Variants in PCDH15 observed in about 807,000 individuals in gnomAD.
PCDH15 encodes the protein protocadherin related 15.
A neutral mutation model predicts 178.5 loss-of-function variants in PCDH15; 129 were observed. The observed-to-expected ratio is 0.72, with a 90% CI of 0.63 to 0.84. The LOEUF (loss-of-function observed/expected upper bound fraction) is 0.84, where lower values mean the gene tolerates loss of function less well. Ranked by LOEUF, PCDH15 falls within the 40% of genes least tolerant of loss-of-function variation. PCDH15 has a pLI of 0.00. For synonymous variants in PCDH15, 800 were observed against 732.0 expected (o/e 1.09, Z -1.50); for missense variants, 2,230 against 2,099.9 (o/e 1.06, Z -1.21).
In PCDH15 at chr10:54,185,133, C is replaced by T. The variant is rs752585029; in HGVS notation, c.1440+1G>A. ...TGTATATTTACACAAAAGCTCTTTA[C>T]CGAAAAGGTGTAAGTTTGCTGTTCT... On this transcript the variant is annotated splice_donor_variant, in intron 12 of 37. Coordinates refer to ENST00000644397, the MANE Select transcript of PCDH15 (RefSeq NM_001384140.1). LOFTEE classifies it high-confidence loss of function. 6 of 1,613,046 alleles carry T rather than the reference C, an allele frequency of 3.7e-6. No individual in the cohort carries two copies. The highest frequency in any genetic ancestry group is 5.1e-6 in the Non-Finnish European group (6 of 1,179,328).
At chr10:53,897,331 T>C (rs1473469026) in intron 26 of PCDH15, among the ~76,000 whole-genome samples, 1 of 152,344 alleles carries the variant, frequency 6.6e-6, no homozygotes, top group South Asian at 2.1e-4. Context: ...ATAAATTGAC[T>C]AATATAAATC....
chr10:54,061,267 G>T (rs1236851230), intron 18 of PCDH15, among the ~76,000 whole-genome samples: 1 of 152,132 alleles, frequency 6.6e-6, no homozygotes, highest in East Asian at 1.9e-4. Context: ...CCACAGTCAA[G>T]ATATGCATAC....
intron 2 of PCDH15, among the ~76,000 whole-genome samples, chr10:54,987,339 T>C (rs970707212): frequency 1.3e-5 from 2 of 152,188 alleles, no homozygotes; most frequent in Non-Finnish European, 2.9e-5. Flanking sequence ...TGTCCATGTA[T>C]CTTTATGGTA....
Position 54,793,185 on chromosome 10 carries a change from C to T in PCDH15, c.-29+7740G>A, listed in dbSNP as rs980049349. 2.6e-5 allele frequency among the ~76,000 whole-genome samples: 4 copies of T among 152,002 alleles called. No homozygotes were observed. In the South Asian group the frequency reaches 8.3e-4, roughly 32 times the overall value. On this transcript the variant is annotated intron_variant, in intron 1 of 37. Coordinates refer to ENST00000644397, the MANE Select transcript of PCDH15 (RefSeq NM_001384140.1). The stretch of plus-strand genomic sequence containing the variant: ...ATTGAAACTGTGTTGCAAGTCTAGG[C>T]TAGTTAGCACTGCGCTTTATCCCCA...
intron 3 of PCDH15, among the ~76,000 whole-genome samples, chr10:54,517,693 T>G (rs574044371): frequency 3.8e-4 from 58 of 152,164 alleles, no homozygotes; most frequent in Admixed American, 1.2e-3. Flanking sequence ...ATTGAACTCA[T>G]CTCTGCACCA....
At chr10:54,770,513 T>C (rs1948973497) in intron 1 of PCDH15, among the ~76,000 whole-genome samples, 2 of 152,078 alleles carry the variant, frequency 1.3e-5, no homozygotes, top group Admixed American at 6.6e-5. Flanking sequence ...TGTTAAAGTG[T>C]TCATTTTAGT....
At chr10:53,989,038 C>T (rs1458779978) in intron 21 of PCDH15, among the ~76,000 whole-genome samples, 1 of 152,096 alleles carries the variant, frequency 6.6e-6, no homozygotes, top group Non-Finnish European at 1.5e-5. Context: ...ACAGAAACAG[C>T]TGGATTGGTT....
chr10:54,239,791 C>A (rs1004520454), intron 8 of PCDH15, among the ~76,000 whole-genome samples: 4 of 151,934 alleles, frequency 2.6e-5, no homozygotes, highest in African/African-American at 7.2e-5. Flanking sequence ...ACTTATTTTA[C>A]AATATTTATT....
intron 26 of PCDH15, among the ~76,000 whole-genome samples, chr10:53,878,238 A>G (rs2080395996): frequency 1.2e-5 from 1 of 86,050 alleles, no homozygotes; most frequent in Non-Finnish European, 2.5e-5. Context: ...ATATATATAT[A>G]TATATTCTAC....
chr10:54,149,950 C>A (rs909779750), intron 14 of PCDH15, among the ~76,000 whole-genome samples: 1 of 151,974 alleles, frequency 6.6e-6, no homozygotes, highest in Admixed American at 6.6e-5. Flanking sequence ...GGAAGAGGGG[C>A]ATTGAGGATG....
chr10:55,472,077 A>G (rs1290730342), intron 2 of PCDH15, among the ~76,000 whole-genome samples: 1 of 152,166 alleles, frequency 6.6e-6, no homozygotes, highest in Non-Finnish European at 1.5e-5. Flanking sequence ...CCAGATTTTC[A>G]TAGTGGTAAC....
At chr10:53,842,326 G>A (rs1038213040) in intron 28 of PCDH15, among the ~76,000 whole-genome samples, 7 of 151,982 alleles carry the variant, frequency 4.6e-5, no homozygotes, top group Non-Finnish European at 8.8e-5. Flanking sequence ...GGGCAATCTC[G>A]GCTCACTGCA....
intron 2 of PCDH15, among the ~76,000 whole-genome samples, chr10:54,646,530 G>A (rs952329922): frequency 6.6e-6 from 1 of 151,980 alleles, no homozygotes. Context: ...GTTCCAGGGG[G>A]CGGGGCCCAC....
intron 2 of PCDH15, among the ~76,000 whole-genome samples, chr10:55,618,519 G>T (rs1843523427): frequency 6.6e-6 from 1 of 151,952 alleles, no homozygotes; most frequent in South Asian, 2.1e-4. Context: ...AAACTACCAA[G>T]AAGTCGTATC....
intron 2 of PCDH15, among the ~76,000 whole-genome samples, chr10:55,025,264 CA>C (rs1196752718): frequency 1.3e-5 from 2 of 151,978 alleles, no homozygotes; most frequent in African/African-American, 4.8e-5. Context: ...ACAGAGAAAC[CA>C]AAATTTCATT....
chr10:54,997,923 A>G (rs1243458193), intron 2 of PCDH15, among the ~76,000 whole-genome samples: 1 of 152,156 alleles, frequency 6.6e-6, no homozygotes, highest in East Asian at 1.9e-4. Context: ...AGAAAGGGTT[A>G]TGATATGCAG....
chr10:53,882,004 T>C (rs1390464686), intron 26 of PCDH15, among the ~76,000 whole-genome samples: 2 of 152,060 alleles, frequency 1.3e-5, no homozygotes, highest in African/African-American at 4.8e-5. Context: ...TTTTTTTTTT[T>C]TTTAACATGG....
chr10:54,116,522 T>G (rs1223061696), intron 15 of PCDH15, among the ~76,000 whole-genome samples: 1 of 152,232 alleles, frequency 6.6e-6, no homozygotes, highest in Non-Finnish European at 1.5e-5. Flanking sequence ...GAGCAATGGA[T>G]GCTTATGATG....
Position 53,981,510 on chromosome 10 carries a change from C to T in PCDH15, c.2868+14139G>A, listed in dbSNP as rs375337573. Among the ~76,000 whole-genome samples, 101 of 152,124 alleles carry T rather than the reference C, an allele frequency of 6.6e-4. 1 individual carries two copies. The highest frequency in any genetic ancestry group is 2.8e-3 in the Admixed American group (43 of 15,274). On this transcript the variant is annotated intron_variant, in intron 21 of 37. Coordinates refer to ENST00000644397, the MANE Select transcript of PCDH15 (RefSeq NM_001384140.1). ...AACAGAAAAGAGCCTTCAGAAATAA[C>T]GCCACATATCTACAACTATCTGATC...
Sources: gnomAD v4.1 joint callset for allele counts (sites outside exome capture counted in the v4.1 genomes callset) on GRCh38, gnomAD v4.1.1 for gene constraint, MANE v1.5 for transcripts, NCBI Gene and HGNC (gene_info 2026-07-23, HGNC 2026-07-21) for gene names.